Variants in CCSER1 observed in about 807,000 individuals in gnomAD.
CCSER1 encodes the protein serine-rich coiled-coil domain-containing protein 1.
A neutral mutation model predicts 82.0 loss-of-function variants in CCSER1; 41 were observed. The observed-to-expected ratio is 0.50, with a 90% CI of 0.39 to 0.65. CCSER1 has a LOEUF of 0.65. Among genes scored for constraint, CCSER1 ranks in the 30% least tolerant of loss-of-function variants. The probability of loss-of-function intolerance (pLI) is 0.00; values close to 1 mark genes in which losing one functional copy is unlikely to be tolerated. For missense variants in CCSER1, 1,119 were observed against 1,064.2 expected (o/e 1.05, Z -0.72); for synonymous variants, 414 against 383.9 (o/e 1.08, Z -0.92).
intron 5 of CCSER1, among the ~76,000 whole-genome samples, chr4:90,551,706 C>CTCTCTCTATATATATATATATATATATA: frequency 1.2e-4 from 12 of 104,236 alleles, no homozygotes; most frequent in African/African-American, 4.6e-4. Flanking sequence ...CTCTCTCTCT[C>CTCTCTCTATATATATATATATATATATA]TATATATATA....
chr4:91,381,334 C>A (rs1332224248), intron 10 of CCSER1, among the ~76,000 whole-genome samples: 2 of 152,130 alleles, frequency 1.3e-5, no homozygotes, highest in African/African-American at 4.8e-5. Flanking sequence ...TAATATCCTG[C>A]AGAGTGTTTT....
chr4:90,605,008 C>G (rs1176243935), intron 5 of CCSER1, among the ~76,000 whole-genome samples: 1 of 107,366 alleles, frequency 9.3e-6, no homozygotes, highest in Non-Finnish European at 1.7e-5. Context: ...GCTCCGCTTC[C>G]ACGTGTGGGA....
intron 10 of CCSER1, among the ~76,000 whole-genome samples, chr4:91,134,421 C>CA (rs111247370): frequency 0.21 from 29,128 of 140,870 alleles, 3,012 homozygotes; most frequent in Non-Finnish European, 0.24. Context: ...ACCCTGTCTA[C>CA]AAAAAAAAAA....
At chr4:91,025,468 A>G (rs1348840736) in intron 9 of CCSER1, among the ~76,000 whole-genome samples, 2 of 152,134 alleles carry the variant, frequency 1.3e-5, no homozygotes, top group Non-Finnish European at 1.5e-5. Flanking sequence ...ATGATGTTAT[A>G]TGCTGGGGCT....
chr4:91,544,525 C>T (rs1761779526), intron 10 of CCSER1, among the ~76,000 whole-genome samples: 1 of 152,176 alleles, frequency 6.6e-6, no homozygotes, highest in African/African-American at 2.4e-5. Context: ...AGTTTTCCTT[C>T]TAACAGTCAG....
Position 90,309,618 on chromosome 4 carries a change from T to A in CCSER1, c.1324+10T>A. The A allele has an allele frequency of 6.5e-7, 1 of 1,528,744 alleles. No homozygotes were observed. The highest frequency in any genetic ancestry group is 2.3e-5 in the East Asian group (1 of 43,964). The allele number at this position is 1,528,744 out of a possible 1,614,324, so 94.7% of individuals were successfully genotyped here. ...GCAAATCCTGCCAAAGGTATGCTGATTTTTTTTGTATAACAAATGATATGA... is the reference window on the plus strand; with the variant it reads ...GCAAATCCTGCCAAAGGTATGCTGAATTTTTTTGTATAACAAATGATATGA... On this transcript the variant is annotated intron_variant, in intron 2 of 10. Coordinates refer to ENST00000509176, the MANE Select transcript of CCSER1 (RefSeq NM_001145065.2).
At chr4:90,493,704 C>G (rs1768475010) in intron 5 of CCSER1, among the ~76,000 whole-genome samples, 1 of 152,096 alleles carries the variant, frequency 6.6e-6, no homozygotes, top group Non-Finnish European at 1.5e-5. Context: ...CCTTTACAGA[C>G]AAGCAAATGC....
At chr4:90,668,542 A>G (rs1340103334) in intron 6 of CCSER1, among the ~76,000 whole-genome samples, 1 of 152,192 alleles carries the variant, frequency 6.6e-6, no homozygotes, top group Non-Finnish European at 1.5e-5. Flanking sequence ...TTCAAAATGC[A>G]TCAGAGTATT....
intron 5 of CCSER1, among the ~76,000 whole-genome samples, chr4:90,538,997 A>G (rs72885069): frequency 0.011 from 1,622 of 152,200 alleles, 31 homozygotes; most frequent in African/African-American, 0.036. Flanking sequence ...CTTTGTATGG[A>G]TGTTTCTGCA....
intron 6 of CCSER1, among the ~76,000 whole-genome samples, chr4:90,688,957 T>A (rs1301809683): frequency 1.3e-5 from 2 of 152,152 alleles, no homozygotes; most frequent in Admixed American, 1.3e-4. Flanking sequence ...ATAGCTGATA[T>A]ACATATATCT....
chr4:91,394,120 G>A (rs749406694), intron 10 of CCSER1, among the ~76,000 whole-genome samples: 14 of 151,996 alleles, frequency 9.2e-5, no homozygotes, highest in Non-Finnish European at 1.5e-4. Flanking sequence ...AAGCTAGATG[G>A]CCTGCTTGTT....
At chr4:90,472,743 T>G (rs1764561678) in intron 5 of CCSER1, among the ~76,000 whole-genome samples, 1 of 152,104 alleles carries the variant, frequency 6.6e-6, no homozygotes. Flanking sequence ...TTCAAATATT[T>G]AATCATAAGC....
chr4:90,889,159 A>G (rs1271780103), intron 8 of CCSER1, among the ~76,000 whole-genome samples: 1 of 152,204 alleles, frequency 6.6e-6, no homozygotes, highest in African/African-American at 2.4e-5. Context: ...ATGAATAAGA[A>G]TTCCATTTAC....
Position 91,056,603 on chromosome 4 carries a change from G to GT in CCSER1, c.2173-29343dup, listed in dbSNP as rs1743470869. Among the ~76,000 whole-genome samples the GT allele has an allele frequency of 3.9e-5, 6 of 152,284 alleles. 1 individual carries two copies. In the South Asian group the frequency reaches 1.2e-3, roughly 32 times the overall value. Reference sequence around the variant, plus strand: ...CCAACACTGTTGTCTTGGGTATTAAGTTTTCCACACATGAATTTGGGTGGA... The same window carrying GT: ...CCAACACTGTTGTCTTGGGTATTAAGTTTTTCCACACATGAATTTGGGTGGA... On this transcript the variant is annotated intron_variant, in intron 9 of 10. Coordinates refer to ENST00000509176, the MANE Select transcript of CCSER1 (RefSeq NM_001145065.2).
At chr4:90,881,048 A>T (rs372091639) in intron 8 of CCSER1, among the ~76,000 whole-genome samples, 2 of 46,502 alleles carry the variant, frequency 4.3e-5, no homozygotes, top group African/African-American at 1.6e-4. Context: ...CCTAAAAATT[A>T]AAAAAAAAAA....
chr4:90,377,946 C>T (rs1748623260), intron 3 of CCSER1, among the ~76,000 whole-genome samples: 1 of 151,980 alleles, frequency 6.6e-6, no homozygotes, highest in African/African-American at 2.4e-5. Context: ...TTTGTTGTTA[C>T]CATTTTAAAA....
At chr4:90,425,564 C>T (rs1757408193) in intron 4 of CCSER1, among the ~76,000 whole-genome samples, 1 of 152,166 alleles carries the variant, frequency 6.6e-6, no homozygotes, top group South Asian at 2.1e-4. Flanking sequence ...ATTTTCTCAA[C>T]AAAAGCAGGT....
intron 10 of CCSER1, among the ~76,000 whole-genome samples, chr4:91,360,482 C>T (rs1749175254): frequency 6.6e-6 from 1 of 151,666 alleles, no homozygotes; most frequent in Non-Finnish European, 1.5e-5. Flanking sequence ...CATTATGCAT[C>T]CATTCATGTT....
chr4:90,964,548 A>AC (rs1382182028), intron 9 of CCSER1, among the ~76,000 whole-genome samples: 3 of 151,620 alleles, frequency 2.0e-5, no homozygotes, highest in Non-Finnish European at 4.4e-5. Flanking sequence ...ACATGGTGGA[A>AC]CCCGTCTCTA....
Sources: allele counts gnomAD v4.1 joint callset (sites outside exome capture counted in the v4.1 genomes callset), GRCh38; gene constraint gnomAD v4.1.1; transcripts MANE v1.5; gene names NCBI Gene and HGNC (gene_info 2026-07-23, HGNC 2026-07-21).